FN3K: variants seen among roughly 807,000 people sequenced by gnomAD.
FN3K encodes the protein fructosamine-3-kinase.
Under a neutral mutation model 24.8 loss-of-function variants are expected in FN3K, and 24 were observed. The observed-to-expected ratio is 0.97, with a 90% CI of 0.70 to 1.36. The LOEUF is 1.36. Among genes scored for constraint, FN3K ranks in the 40% most tolerant of loss-of-function variants. The probability of loss-of-function intolerance (pLI) is 0.00; values close to 1 mark genes in which losing one functional copy is unlikely to be tolerated. For missense variants in FN3K, 449 were observed against 416.7 expected (o/e 1.08, Z -0.67); for synonymous variants, 192 against 175.2 (o/e 1.10, Z -0.76).
intron 4 of FN3K, 54 bp downstream of exon 4, chr17:82,741,447 T>TTTA: frequency 6.8e-7 from 1 of 1,460,142 alleles, no homozygotes; most frequent in Middle Eastern, 1.7e-4. Flanking sequence ...TCACCCACTC[T>TTTA]TTATATGTGA....
intron 2 of FN3K, among the ~76,000 whole-genome samples, chr17:82,739,480 C>T (rs1247518105): frequency 4.4e-5 from 6 of 137,372 alleles, no homozygotes; most frequent in South Asian, 2.3e-4. Flanking sequence ...TTTTTTGAGA[C>T]GGAGTGTCGC....
Position 82,751,111 on chromosome 17 carries a change from C to CCCCCCGTGCCCCCGTT in FN3K, c.*359_*360insCCGTGCCCCCGTTCCC. 1 of 53,544 alleles carries CCCCCCGTGCCCCCGTT rather than the reference C, an allele frequency of 1.9e-5. No individual in the cohort carries two copies. Among genetic ancestry groups the CCCCCCGTGCCCCCGTT allele is most frequent in the Non-Finnish European group, 3.4e-5 (1 of 29,814 alleles). The allele number at this position is 53,544 out of a possible 1,614,324, so 3.3% of individuals were successfully genotyped here. ...CCGTCCCCCCGTCCCCGTCCCCCGT[C>CCCCCCGTGCCCCCGTT]CCCGTCCCCCCTGTCCCTGTCCCCC... On this transcript the variant is annotated 3_prime_UTR_variant, in exon 6 of 6. Coordinates refer to ENST00000300784, the MANE Select transcript of FN3K (RefSeq NM_022158.4).
intron 5 of FN3K, 124 bp from the exon 6 acceptor site, chr17:82,750,293 G>A (rs2046998793): frequency 3.6e-6 from 3 of 843,292 alleles, no homozygotes; most frequent in Non-Finnish European, 5.9e-6. Flanking sequence ...TCTGGGCTTG[G>A]CAGGCAGTGC....
At chr17:82,741,448 T>C in intron 4 of FN3K, 55 bp downstream of exon 4, 1 of 1,458,658 alleles carries the variant, frequency 6.9e-7, no homozygotes, top group Middle Eastern at 1.7e-4. Flanking sequence ...CACCCACTCT[T>C]TATATGTGAC....
At position 82,738,487 on chromosome 17, in the gene FN3K, A is replaced by C; in HGVS notation, c.142-2A>C. The stretch of plus-strand genomic sequence containing the variant: ...GCTGACAAGGCTGTGTTCTGGATGC[A>C]GGCCCGGCAGATGTTTGAGGGGGAG... On this transcript the variant is annotated splice_acceptor_variant, in intron 1 of 5. Coordinates refer to ENST00000300784, the MANE Select transcript of FN3K (RefSeq NM_022158.4). LOFTEE classifies it high-confidence loss of function. 2.5e-6 allele frequency: 4 copies of C among 1,611,986 alleles called. No individual in the cohort carries two copies. The highest frequency in any genetic ancestry group is 3.4e-6 in the Non-Finnish European group (4 of 1,179,762).
At chr17:82,749,252 T>G (rs988881371) in intron 5 of FN3K, 9 of 523,852 alleles carry the variant, frequency 1.7e-5, no homozygotes, top group African/African-American at 1.5e-4. Context: ...CAGGTGCTTG[T>G]AAATGGTGGT....
intron 4 of FN3K, among the ~76,000 whole-genome samples, chr17:82,743,900 G>T (rs945335608): frequency 6.6e-6 from 1 of 152,184 alleles, no homozygotes; most frequent in Non-Finnish European, 1.5e-5. Context: ...CACCTTCCCC[G>T]GGTAGCTTGG....
intron 4 of FN3K, chr17:82,742,696 G>C (rs1045654415): frequency 2.2e-6 from 1 of 456,222 alleles, no homozygotes; most frequent in South Asian, 1.5e-5. Context: ...ACTTTGGACA[G>C]CCCAACTGCC....
chr17:82,739,437 C>T (rs1274662263), intron 2 of FN3K, among the ~76,000 whole-genome samples: 2 of 151,284 alleles, frequency 1.3e-5, no homozygotes, highest in East Asian at 3.9e-4. Context: ...TACAGGCACC[C>T]CACCACCTCA....
intron 4 of FN3K, 60 bp from the exon 5 acceptor site, chr17:82,748,795 G>A: frequency 6.2e-7 from 1 of 1,611,424 alleles, no homozygotes; most frequent in Non-Finnish European, 8.5e-7. Context: ...GGTCCCTCTA[G>A]GGTTTAGGCA....
intron 1 of FN3K, 84 bp from the exon 2 acceptor site, chr17:82,738,405 C>CAG: frequency 6.3e-7 from 1 of 1,575,618 alleles, no homozygotes; most frequent in Non-Finnish European, 8.7e-7. Flanking sequence ...TTGTGACTCC[C>CAG]ACGTGGTAGC....
At chr17:82,739,413 C>T (rs1481174090) in intron 2 of FN3K, among the ~76,000 whole-genome samples, 3 of 150,952 alleles carry the variant, frequency 2.0e-5, no homozygotes, top group South Asian at 2.1e-4. Flanking sequence ...CTCAGCCTCG[C>T]GAGTGGCTGG....
chr17:82,746,452 A>G (rs1437778196), intron 4 of FN3K, among the ~76,000 whole-genome samples: 1 of 151,932 alleles, frequency 6.6e-6, no homozygotes, highest in African/African-American at 2.4e-5. Context: ...GTTTTACCAG[A>G]TATATGATTT....
Position 82,750,661 on chromosome 17 carries a change from T to C in FN3K, c.836T>C (p.Leu279Pro), listed in dbSNP as rs2047010537. ...CCGGGCTTCGACCAGCGGCTGCTGC[T>C]CTACCAGCTGTTTAACTACCTGAAC... Reference protein sequence around the residue: ...KAPGFDQRLLLYQLFNYLNHW... With the variant: ...KAPGFDQRLLPYQLFNYLNHW... The change falls in exon 6 of 6, where the codon CTC becomes CCC. Residue 279 changes from leucine (L) to proline (P), a missense_variant. Transcript: ENST00000300784. 1 of 1,613,740 alleles carries C rather than the reference T, an allele frequency of 6.2e-7. No individual in the cohort carries two copies. The highest frequency in any genetic ancestry group is 1.1e-5 in the South Asian group (1 of 91,074).
intron 4 of FN3K, chr17:82,742,861 G>T: frequency 2.7e-6 from 1 of 370,706 alleles, no homozygotes; most frequent in Non-Finnish European, 5.4e-6. Context: ...TGACTAGTTG[G>T]GTCCCTGCGA....
chr17:82,744,304 CAT>C (rs779656865), intron 4 of FN3K, among the ~76,000 whole-genome samples: 16 of 152,188 alleles, frequency 1.1e-4, no homozygotes, highest in Non-Finnish European at 1.8e-4. Flanking sequence ...TGTAATTTGA[CAT>C]AAATTGCACC....
rs539276396 is a variant in FN3K at position 82,738,946 on chromosome 17, ATTTTT to A, written c.293+316_293+320del. ...TACACATATATATATATATATATAT[ATTTTT>A]TTTTTTTTTGAAACACAGTCTCGCT... On this transcript the variant is annotated intron_variant, in intron 2 of 5. Transcript: ENST00000300784. Among the ~76,000 whole-genome samples the A allele has an allele frequency of 3.8e-3, 326 of 85,378 alleles. 1 individual carries two copies. The highest frequency in any genetic ancestry group is 0.011 in the South Asian group (24 of 2,200). The allele number at this position is 85,378 out of a possible 152,430, so 56.0% of individuals were successfully genotyped here. A position where few individuals can be genotyped will look rare whatever the true frequency, so the allele number is the denominator to read the frequency against.
At chr17:82,743,987 G>T (rs1398037470) in intron 4 of FN3K, among the ~76,000 whole-genome samples, 3 of 152,384 alleles carry the variant, frequency 2.0e-5, no homozygotes, top group Middle Eastern at 3.4e-3. Context: ...ACTAAACCTG[G>T]TTGTCTTCTG....
In FN3K at chr17:82,735,739, G is replaced by T. The variant is rs376701557; in HGVS notation, c.103G>T (p.Ala35Ser). ...CGAGGGCCGAGCCTACGACACGGAC[G>T]CAGGCCCAGTGTTCGTCAAAGTCAA... Reference protein sequence around the residue: ...ISEGRAYDTDAGPVFVKVNRR... With the variant: ...ISEGRAYDTDSGPVFVKVNRR... The change falls in exon 1 of 6, where the codon GCA becomes TCA. Residue 35 changes from alanine (A) to serine (S), a missense_variant. Ala to Ser is a moderately conservative substitution (Grantham distance 99). Coordinates refer to ENST00000300784, the MANE Select transcript of FN3K (RefSeq NM_022158.4). The T allele has an allele frequency of 6.4e-7, 1 of 1,561,140 alleles. No homozygotes were observed. The highest frequency in any genetic ancestry group is 2.3e-5 in the East Asian group (1 of 42,694).
Sources: gnomAD v4.1 joint callset for allele counts (sites outside exome capture counted in the v4.1 genomes callset) on GRCh38, gnomAD v4.1.1 for gene constraint, MANE v1.5 for transcripts, NCBI Gene and HGNC (gene_info 2026-07-23, HGNC 2026-07-21) for gene names.